Variants in MTDH observed in about 807,000 individuals in gnomAD.
MTDH encodes the protein metadherin.
Under a neutral mutation model 72.7 loss-of-function variants are expected in MTDH, and 34 were observed. That is an observed-to-expected ratio of 0.47 (90% CI 0.36 to 0.62). The LOEUF (loss-of-function observed/expected upper bound fraction) is 0.62, where lower values mean the gene tolerates loss of function less well. MTDH is among the 20% of genes least tolerant of loss of function. The pLI is 0.00. For missense variants in MTDH, 677 were observed against 699.4 expected (o/e 0.97, Z 0.36); for synonymous variants, 266 against 268.9 (o/e 0.99, Z 0.10).
At chr8:97,679,242 A>G (rs2438224) in intron 2 of MTDH, among the ~76,000 whole-genome samples, 14,228 of 152,230 alleles carry the variant, frequency 0.093, 929 homozygotes, top group East Asian at 0.25. Flanking sequence ...GCTATAAACC[A>G]GATGTAAAAT....
intron 6 of MTDH, among the ~76,000 whole-genome samples, chr8:97,694,000 C>T (rs1016206720): frequency 6.6e-6 from 1 of 152,214 alleles, no homozygotes; most frequent in South Asian, 2.1e-4. Context: ...CAGATGTGGG[C>T]CACCACATCT....
chr8:97,702,107 A>G (rs564034017), intron 7 of MTDH, among the ~76,000 whole-genome samples: 1 of 152,374 alleles, frequency 6.6e-6, no homozygotes, highest in African/African-American at 2.4e-5. Context: ...CACAAAGTAT[A>G]TTACATTAGA....
intron 5 of MTDH, among the ~76,000 whole-genome samples, chr8:97,690,568 AT>A (rs1813558923): frequency 6.6e-6 from 1 of 152,210 alleles, no homozygotes; most frequent in Non-Finnish European, 1.5e-5. Flanking sequence ...TCTATTGTTA[AT>A]AAATTTTTCA....
At chr8:97,704,964 A>C (rs1814287794) in intron 7 of MTDH, among the ~76,000 whole-genome samples, 1 of 152,356 alleles carries the variant, frequency 6.6e-6, no homozygotes, top group Admixed American at 6.5e-5. Context: ...GATCAGTGGA[A>C]TAGAATAGAA....
rs770169414 is a variant in MTDH at position 97,690,995 on chromosome 8, C to T, written c.855C>T (p.Gly285=). ...AAAACCTCACTGTCAATGGAGGAGGCTGGAATGAAAAGTCTGTAAAACTCT... is the reference window on the plus strand; with the variant it reads ...AAAACCTCACTGTCAATGGAGGAGGTTGGAATGAAAAGTCTGTAAAACTCT... ...LNENLTVNGG[G]WNEKSVKLSS... is the part of the protein sequence containing the mutation. The change falls in exon 6 of 12, where the codon GGC becomes GGT. Residue 285 remains glycine (G), a synonymous_variant. Transcript: ENST00000336273. 3.1e-6 allele frequency: 5 copies of T among 1,613,666 alleles called. No homozygotes were observed. Among genetic ancestry groups the T allele is most frequent in the East Asian group, 4.5e-5 (2 of 44,880 alleles).
intron 1 of MTDH, among the ~76,000 whole-genome samples, chr8:97,653,700 A>T (rs1811860012): frequency 6.6e-6 from 1 of 152,200 alleles, no homozygotes; most frequent in Non-Finnish European, 1.5e-5. Context: ...AAGCCTTGAG[A>T]GTATTTTTAA....
chr8:97,681,984 C>T (rs1043342460), intron 2 of MTDH, among the ~76,000 whole-genome samples: 3 of 151,424 alleles, frequency 2.0e-5, no homozygotes, highest in African/African-American at 4.9e-5. Context: ...ATTATCCACT[C>T]AGTTCTGTGG....
intron 2 of MTDH, among the ~76,000 whole-genome samples, chr8:97,673,374 T>G (rs1166128897): frequency 6.6e-6 from 1 of 151,750 alleles, no homozygotes; most frequent in Non-Finnish European, 1.5e-5. Flanking sequence ...ATTTTTAAAT[T>G]TAGGCCAGGC....
At chr8:97,704,602 C>T (rs985539234) in intron 7 of MTDH, among the ~76,000 whole-genome samples, 37 of 151,834 alleles carry the variant, frequency 2.4e-4, no homozygotes, top group African/African-American at 8.0e-4. Context: ...GAATAAGACC[C>T]TGTCTCTTAA....
intron 5 of MTDH, among the ~76,000 whole-genome samples, chr8:97,690,070 CT>C (rs1320202383): frequency 6.6e-6 from 1 of 150,744 alleles, no homozygotes; most frequent in African/African-American, 2.4e-5. Context: ...TCTCGGCTCA[CT>C]GCAACCTCCG....
chr8:97,644,457 C>G lies in MTDH; in HGVS notation c.-50C>G. Reference sequence around the variant, plus strand: ...CTCGCTTCCCTCGACTATTCCACTGCGTCTCCGCGCCCCGGCGTCATCCTG... The same window carrying G: ...CTCGCTTCCCTCGACTATTCCACTGGGTCTCCGCGCCCCGGCGTCATCCTG... On this transcript the variant is annotated 5_prime_UTR_variant, in exon 1 of 12. Transcript: ENST00000336273. 6.6e-7 allele frequency: 1 copy of G among 1,522,984 alleles called. No homozygotes were observed. Among genetic ancestry groups the G allele is most frequent in the Non-Finnish European group, 8.7e-7 (1 of 1,143,298 alleles). The allele number at this position is 1,522,984 out of a possible 1,614,324, so 94.3% of individuals were successfully genotyped here. A position where few individuals can be genotyped will look rare whatever the true frequency, so the allele number is the denominator to read the frequency against.
At chr8:97,681,944 A>G (rs1813095047) in intron 2 of MTDH, among the ~76,000 whole-genome samples, 1 of 151,954 alleles carries the variant, frequency 6.6e-6, no homozygotes, top group South Asian at 2.1e-4. Context: ...TCTTGGTTGT[A>G]TGAAGACCAT....
At chr8:97,648,598 A>G (rs1293793919) in intron 1 of MTDH, among the ~76,000 whole-genome samples, 1 of 151,452 alleles carries the variant, frequency 6.6e-6, no homozygotes, top group Non-Finnish European at 1.5e-5. Flanking sequence ...GCCTCAAGCC[A>G]TCCTCCCACT....
intron 7 of MTDH, among the ~76,000 whole-genome samples, chr8:97,701,659 CAAT>C (rs1814136891): frequency 6.6e-6 from 1 of 152,112 alleles, no homozygotes; most frequent in Non-Finnish European, 1.5e-5. Context: ...ATGATTATAA[CAAT>C]GATAGGAGTG....
chr8:97,681,009 C>T lies in MTDH; in HGVS notation c.484-5659C>T, dbSNP rs575678058. ...TCCCAAGGAAGTTTGTGACAAATGA[C>T]CAAATCTTTTTCAGTTTTAAATGTT... On this transcript the variant is annotated intron_variant, in intron 2 of 11. Transcript: ENST00000336273. Among the ~76,000 whole-genome samples, 23 of 152,106 alleles carry T rather than the reference C, an allele frequency of 1.5e-4. No individual in the cohort carries two copies. The South Asian group carries it at 2.9e-3, about 19-fold the overall frequency.
At chr8:97,661,817 C>T (rs1356276196) in intron 2 of MTDH, among the ~76,000 whole-genome samples, 1 of 151,326 alleles carries the variant, frequency 6.6e-6, no homozygotes, top group Non-Finnish European at 1.5e-5. Flanking sequence ...GTGGTACGCA[C>T]CTGTAGTCCT....
intron 11 of MTDH, among the ~76,000 whole-genome samples, chr8:97,723,338 C>T (rs1815213026): frequency 6.6e-6 from 1 of 150,914 alleles, no homozygotes; most frequent in Admixed American, 6.6e-5. Context: ...GCAGAGCTTG[C>T]AGTGAGCCAA....
chr8:97,718,541 GAC>G (rs1814974341), intron 9 of MTDH, among the ~76,000 whole-genome samples: 2 of 148,158 alleles, frequency 1.3e-5, no homozygotes, highest in Non-Finnish European at 3.0e-5. Context: ...TTTTTTGTGA[GAC>G]AGAGTTTTCC....
intron 1 of MTDH, among the ~76,000 whole-genome samples, chr8:97,655,252 T>G (rs943580077): frequency 6.6e-6 from 1 of 152,216 alleles, no homozygotes; most frequent in African/African-American, 2.4e-5. Flanking sequence ...TATATGTTAT[T>G]GTATACCTGT....
Sources: gnomAD v4.1 joint callset for allele counts (sites outside exome capture counted in the v4.1 genomes callset) on GRCh38, gnomAD v4.1.1 for gene constraint, MANE v1.5 for transcripts, NCBI Gene and HGNC (gene_info 2026-07-23, HGNC 2026-07-21) for gene names.